The following PAN3 variants were observed in gnomAD, a reference collection of about 807,000 sequenced individuals.
The protein encoded by PAN3 is poly(A) specific ribonuclease subunit PAN3, also known as PAN2-PAN3 deadenylation complex subunit PAN3.
A neutral mutation model predicts 96.2 loss-of-function variants in PAN3; 19 were observed. The ratio of observed to expected loss-of-function variants is 0.20; its 90% CI spans 0.14 to 0.29. The LOEUF is 0.29. PAN3 is among the 10% of genes least tolerant of loss of function. The pLI, the probability that PAN3 is intolerant of heterozygous loss-of-function variation, is 1.00. For missense variants in PAN3, 882 were observed against 1,108.1 expected (o/e 0.80, Z 2.90); for synonymous variants, 433 against 406.6 (o/e 1.06, Z -0.78).
intron 1 of PAN3, among the ~76,000 whole-genome samples, chr13:28,169,439 A>G (rs1485899286): frequency 6.6e-6 from 1 of 151,358 alleles, no homozygotes; most frequent in Non-Finnish European, 1.5e-5. Flanking sequence ...CATGTTGGCC[A>G]GGCTGGTCTC....
At chr13:28,214,192 A>C (rs1158741797) in intron 5 of PAN3, among the ~76,000 whole-genome samples, 1 of 152,232 alleles carries the variant, frequency 6.6e-6, no homozygotes. Context: ...ATTCACTGCT[A>C]CGTTTTTAAC....
At chr13:28,172,195 C>A (rs1201380407) in intron 1 of PAN3, among the ~76,000 whole-genome samples, 1 of 152,206 alleles carries the variant, frequency 6.6e-6, no homozygotes, top group Non-Finnish European at 1.5e-5. Context: ...GTGGCTCACG[C>A]CTGTAATCCC....
At chr13:28,290,755 T>G (rs980966507) in intron 18 of PAN3, among the ~76,000 whole-genome samples, 10 of 152,092 alleles carry the variant, frequency 6.6e-5, no homozygotes, top group Non-Finnish European at 1.5e-4. Context: ...ATATTTATTT[T>G]CCCTTTATTT....
At chr13:28,200,425 A>C (rs1364598656) in intron 5 of PAN3, among the ~76,000 whole-genome samples, 1 of 152,208 alleles carries the variant, frequency 6.6e-6, no homozygotes, top group East Asian at 1.9e-4. Flanking sequence ...ACAAAGGAAA[A>C]CCAACAAACC....
At chr13:28,153,044 CAG>C (rs1318762298) in intron 1 of PAN3, among the ~76,000 whole-genome samples, 1 of 151,952 alleles carries the variant, frequency 6.6e-6, no homozygotes, top group East Asian at 1.9e-4. Context: ...GATATATGTA[CAG>C]AGTTATTCAA....
At chr13:28,263,918 AATTTTCAACTTAGAC>A (rs1885942521) in intron 9 of PAN3, among the ~76,000 whole-genome samples, 1 of 152,194 alleles carries the variant, frequency 6.6e-6, no homozygotes, top group Admixed American at 6.5e-5. Context: ...GTATGCACAC[AATTTTCAACTTAGAC>A]ATTTTCAAAC....
At chr13:28,235,542 G>C (rs975973073) in intron 6 of PAN3, among the ~76,000 whole-genome samples, 51 of 152,000 alleles carry the variant, frequency 3.4e-4, no homozygotes, top group African/African-American at 1.2e-3. Context: ...ATCTTTGCCT[G>C]CTTTTTATTG....
chr13:28,285,565 C>A (rs1868875126), intron 17 of PAN3, among the ~76,000 whole-genome samples: 1 of 152,070 alleles, frequency 6.6e-6, no homozygotes, highest in Non-Finnish European at 1.5e-5. Context: ...AACTTAACGT[C>A]CTTCAGTTCT....
intron 1 of PAN3, among the ~76,000 whole-genome samples, chr13:28,147,629 C>T (rs1044381115): frequency 1.2e-4 from 19 of 152,124 alleles, no homozygotes; most frequent in African/African-American, 4.3e-4. Context: ...TAGCCTGCTG[C>T]CATTGTGCAA....
chr13:28,181,902 G>A (rs1277049551), intron 4 of PAN3, among the ~76,000 whole-genome samples: 2 of 152,136 alleles, frequency 1.3e-5, no homozygotes, highest in Non-Finnish European at 2.9e-5. Flanking sequence ...CATTAGGAAT[G>A]CCTAATTTTA....
chr13:28,180,379 T>A (rs1875610935), intron 4 of PAN3, among the ~76,000 whole-genome samples: 1 of 152,204 alleles, frequency 6.6e-6, no homozygotes. Context: ...GTTAGAATCT[T>A]TGTGGGTACA....
At chr13:28,242,926 A>G (rs997659217) in intron 6 of PAN3, among the ~76,000 whole-genome samples, 2 of 152,208 alleles carry the variant, frequency 1.3e-5, no homozygotes, top group East Asian at 1.9e-4. Flanking sequence ...GATGCTTTGT[A>G]GTACTCACTG....
chr13:28,259,000 C>T (rs564865305), intron 7 of PAN3, among the ~76,000 whole-genome samples: 14 of 152,174 alleles, frequency 9.2e-5, no homozygotes, highest in Admixed American at 8.5e-4. Context: ...CATGGTTGGT[C>T]GAATCCTTGA....
intron 7 of PAN3, among the ~76,000 whole-genome samples, chr13:28,258,084 C>T (rs1455797372): frequency 6.6e-6 from 1 of 152,006 alleles, no homozygotes; most frequent in Admixed American, 6.6e-5. Context: ...CTCTGAAGTG[C>T]CGGGATTACA....
At chr13:28,205,464 C>G (rs139438361) in intron 5 of PAN3, among the ~76,000 whole-genome samples, 115 of 152,150 alleles carry the variant, frequency 7.6e-4, no homozygotes, top group South Asian at 1.5e-3. Context: ...ACCTTGTGTT[C>G]TTCATGGAAG....
At chr13:28,201,201 A>C (rs1412670241) in intron 5 of PAN3, among the ~76,000 whole-genome samples, 1 of 133,970 alleles carries the variant, frequency 7.5e-6, no homozygotes. Context: ...CACCCACCTA[A>C]TTTTTTTTTT....
At chr13:28,274,495 T>TAAA (rs779861154) in intron 14 of PAN3, among the ~76,000 whole-genome samples, 1 of 142,346 alleles carries the variant, frequency 7.0e-6, no homozygotes, top group Non-Finnish European at 1.5e-5. Flanking sequence ...GTGTCTGCAT[T>TAAA]AAAAAAAAAA....
chr13:28,175,780 T>G (rs539377269), intron 2 of PAN3, among the ~76,000 whole-genome samples: 1 of 152,350 alleles, frequency 6.6e-6, no homozygotes, highest in East Asian at 1.9e-4. Flanking sequence ...TTTCAGGTAC[T>G]TTTTAATATA....
intron 6 of PAN3, among the ~76,000 whole-genome samples, chr13:28,231,712 AAC>A (rs1380241448): frequency 6.6e-6 from 1 of 152,156 alleles, no homozygotes; most frequent in Non-Finnish European, 1.5e-5. Flanking sequence ...AAGTCTAGGC[AAC>A]ACAGCATGAC....
Sources: gnomAD v4.1 joint callset for allele counts (sites outside exome capture counted in the v4.1 genomes callset) on GRCh38, gnomAD v4.1.1 for gene constraint, MANE v1.5 for transcripts, NCBI Gene and HGNC (gene_info 2026-07-23, HGNC 2026-07-21) for gene names.